MAP3K11: variants seen among roughly 807,000 people sequenced by gnomAD.
MAP3K11 encodes the protein SH3 domain-containing proline-rich kinase.
Under a neutral mutation model 84.9 loss-of-function variants are expected in MAP3K11, and 46 were observed. The ratio of observed to expected loss-of-function variants is 0.54; its 90% CI spans 0.43 to 0.69. The LOEUF (loss-of-function observed/expected upper bound fraction) is 0.69, where lower values mean the gene tolerates loss of function less well. Ranked by LOEUF, MAP3K11 falls within the 30% of genes least tolerant of loss-of-function variation. The pLI is 0.00. For missense variants in MAP3K11, 1,053 were observed against 1,198.3 expected (o/e 0.88, Z 1.79); for synonymous variants, 527 against 514.7 (o/e 1.02, Z -0.32).
At position 65,598,177 on chromosome 11, in the gene MAP3K11, G is replaced by A. The variant is rs1339529873; in HGVS notation, c.*114C>T. 4.5e-6 allele frequency: 4 copies of A among 888,586 alleles called. No homozygotes were observed. In the African/African-American group the frequency reaches 6.8e-5, roughly 15 times the overall value. The allele number at this position is 888,586 out of a possible 1,614,324, so 55.0% of individuals were successfully genotyped here. A position where few individuals can be genotyped will look rare whatever the true frequency, so the allele number is the denominator to read the frequency against. On this transcript the variant is annotated 3_prime_UTR_variant, in exon 10 of 10. Transcript: ENST00000309100. Reference sequence around the variant, plus strand: ...GTAGTGTTCCTGACCCCCAAAGGGGGGTGGGGTCCCTGGGGAAACTGAGGC... The same window carrying A: ...GTAGTGTTCCTGACCCCCAAAGGGGAGTGGGGTCCCTGGGGAAACTGAGGC...
intron 3 of MAP3K11, 37 bp downstream of exon 3, chr11:65,607,885 G>A (rs762371469): frequency 6.2e-7 from 1 of 1,609,076 alleles, no homozygotes; most frequent in Non-Finnish European, 8.5e-7. Flanking sequence ...CTGGGCCAGG[G>A]AGCTCTGTAC....
At position 65,598,536 on chromosome 11, in the gene MAP3K11, G is replaced by A; in HGVS notation, c.2299C>T (p.Pro767Ser). ...CGGCTGCGAAGGGGCGAGGGCCGAG[G>A]TCGGCTGATGAGGCCCAGGGGTGGT... Reference protein sequence around the residue: ...RSPPLGLISRPRPSPLRSRID... With the variant: ...RSPPLGLISRSRPSPLRSRID... Residue 767 changes from proline (P) to serine (S), a missense_variant, in exon 10 of 10, where the codon CCT becomes TCT. Transcript: ENST00000309100. 2 of 1,612,216 alleles carry A rather than the reference G, an allele frequency of 1.2e-6. No homozygotes were observed. The highest frequency in any genetic ancestry group is 1.7e-6 in the Non-Finnish European group (2 of 1,179,130).
chr11:65,606,037 G>T lies in MAP3K11; in HGVS notation c.1648C>A (p.Arg550=). 6.3e-7 allele frequency: 1 copy of T among 1,589,016 alleles called. No homozygotes were observed. Reference sequence around the variant, plus strand: ...CCATTGCTTGAGTCCTCCAGACGTCGGGGGGACTGGCGGCCCCATGCCTGG... The same window carrying T: ...CCATTGCTTGAGTCCTCCAGACGTCTGGGGGACTGGCGGCCCCATGCCTGG... ...PGQAWGRQSP[R]RLEDSSNGER... The change falls in exon 7 of 10, where the codon CGA becomes AGA. Residue 550 remains arginine, a synonymous_variant. Transcript: ENST00000309100.
chr11:65,612,869 G>T, intron 1 of MAP3K11, 149 bp downstream of exon 1: 1 of 865,578 alleles, frequency 1.2e-6, no homozygotes, highest in Non-Finnish European at 1.6e-6. Context: ...TTGGGGGCTA[G>T]CTTGAGCCCA....
In MAP3K11 at chr11:65,613,872, C is replaced by CA. The variant is rs1235675135; in HGVS notation, c.-117dup. On this transcript the variant is annotated 5_prime_UTR_variant, in exon 1 of 10. The change abolishes the stop of an existing upstream ORF in the 5' untranslated region. Transcript: ENST00000309100. ...ACCTGGGCATCCGGGCCCTGGCCCT[C>CA]AGCCCCAGACCCACGCCTCTCTGGG... 15 of 1,176,458 alleles carry CA rather than the reference C, an allele frequency of 1.3e-5. No homozygotes were observed. Among genetic ancestry groups the CA allele is most frequent in the Non-Finnish European group, 1.7e-5 (15 of 865,706 alleles). The allele number at this position is 1,176,458 out of a possible 1,614,324, so 72.9% of individuals were successfully genotyped here. A position where few individuals can be genotyped will look rare whatever the true frequency, so the allele number is the denominator to read the frequency against.
chr11:65,598,995 AAGTAAGGAGCCAGG>A (rs1357366585), intron 9 of MAP3K11, among the ~76,000 whole-genome samples: 1 of 152,158 alleles, frequency 6.6e-6, no homozygotes, highest in Non-Finnish European at 1.5e-5. Flanking sequence ...TACTTGGCAC[AAGTAAGGAGCCAGG>A]AGTTTGCTAC....
chr11:65,613,500 C>G lies in MAP3K11; in HGVS notation c.257G>C (p.Gly86Ala). The part of the protein sequence containing the change: ...AISGDEGWWA[G>A]QVGGQVGIFP... ...GATGCCCACCTGGCCACCCACCTGGCCCGCCCACCAGCCCTCGTCTCCTGA... is the reference window on the plus strand; with the variant it reads ...GATGCCCACCTGGCCACCCACCTGGGCCGCCCACCAGCCCTCGTCTCCTGA... Residue 86 changes from glycine to alanine, a missense_variant, in exon 1 of 10, where the codon GGC becomes GCC. This residue lies in a region of MAP3K11 where 160 missense variants were observed against 167.3 expected (regional missense o/e 0.96). Coordinates refer to ENST00000309100, the MANE Select transcript of MAP3K11 (RefSeq NM_002419.4). 1 of 1,611,062 alleles carries G rather than the reference C, an allele frequency of 6.2e-7. No individual in the cohort carries two copies. Among genetic ancestry groups the G allele is most frequent in the South Asian group, 1.1e-5 (1 of 90,934 alleles).
chr11:65,604,289 TG>T (rs1333604954), intron 8 of MAP3K11, among the ~76,000 whole-genome samples: 1 of 152,266 alleles, frequency 6.6e-6, no homozygotes, highest in Admixed American at 6.5e-5. Context: ...GAGAGTTCTG[TG>T]GAACAGTCAG....
At chr11:65,610,195 A>T (rs765239856) in intron 1 of MAP3K11, 11 of 152,172 alleles carry the variant, frequency 7.2e-5, no homozygotes, top group Non-Finnish European at 1.5e-4. Context: ...GCCCTCCATG[A>T]CCACCTTTAC....
At chr11:65,611,039 C>T (rs1404047236) in intron 1 of MAP3K11, 1 of 152,368 alleles carries the variant, frequency 6.6e-6, no homozygotes, top group Non-Finnish European at 1.5e-5. Context: ...GGGGGAAGCT[C>T]TCAGTGCCCC....
intron 8 of MAP3K11, among the ~76,000 whole-genome samples, chr11:65,605,279 C>T (rs1383317781): frequency 6.6e-6 from 1 of 152,024 alleles, no homozygotes; most frequent in Non-Finnish European, 1.5e-5. Flanking sequence ...GCCTGCTCGG[C>T]CTTCTCATTC....
chr11:65,599,349 C>A (rs762074538), intron 9 of MAP3K11, 45 bp downstream of exon 9: 23 of 1,502,006 alleles, frequency 1.5e-5, no homozygotes, highest in African/African-American at 2.9e-5. Flanking sequence ...TCCCTGGGAA[C>A]CCCCGTCTCC....
At position 65,599,563 on chromosome 11, in the gene MAP3K11, G is replaced by A. The variant is rs769337531; in HGVS notation, c.2037C>T (p.Pro679=). ...RERGESPTTP[P]TPTPAPCPTE... ...TCGGGCAGGGCGCGGGCGTTGGCGT[G>A]GGGGGTGTTGTCGGGGACTCCCCGC... is the stretch of plus-strand genomic sequence containing the variant. Residue 679 remains proline (P), a synonymous_variant, in exon 9 of 10, where the codon CCC becomes CCT. Transcript: ENST00000309100. 2.5e-5 allele frequency: 37 copies of A among 1,499,546 alleles called. No individual in the cohort carries two copies. In the East Asian group the frequency reaches 7.7e-4, roughly 31 times the overall value. The allele number at this position is 1,499,546 out of a possible 1,614,324, so 92.9% of individuals were successfully genotyped here.
intron 8 of MAP3K11, among the ~76,000 whole-genome samples, chr11:65,602,804 A>G (rs1854469285): frequency 9.4e-6 from 1 of 106,160 alleles, no homozygotes; most frequent in East Asian, 3.6e-4. Flanking sequence ...GACTCCTTCT[A>G]AAAAAAAAAA....
At chr11:65,603,053 T>C (rs1188243718) in intron 8 of MAP3K11, among the ~76,000 whole-genome samples, 2 of 151,856 alleles carry the variant, frequency 1.3e-5, no homozygotes, top group Non-Finnish European at 2.9e-5. Context: ...CAGTGAGCCA[T>C]GATCATGCCA....
chr11:65,611,810 C>T (rs910985299), intron 1 of MAP3K11: 3 of 152,368 alleles, frequency 2.0e-5, no homozygotes, highest in African/African-American at 7.2e-5. Context: ...GGGGAATCCC[C>T]CTCAGATTGG....
chr11:65,601,797 T>C (rs1336349958), intron 8 of MAP3K11, among the ~76,000 whole-genome samples: 2 of 135,308 alleles, frequency 1.5e-5, no homozygotes, highest in African/African-American at 2.8e-5. Context: ...GAAGAATCCA[T>C]TTTTATAATC....
chr11:65,608,188 G>C, intron 2 of MAP3K11, 80 bp downstream of exon 2: 4 of 1,590,094 alleles, frequency 2.5e-6, no homozygotes, highest in Non-Finnish European at 3.4e-6. Flanking sequence ...CCCTGGACTT[G>C]GCCCAGCCCT....
At position 65,605,935 on chromosome 11, in the gene MAP3K11, C is replaced by A; in HGVS notation, c.1739+11G>T. 6.2e-7 allele frequency: 1 copy of A among 1,604,798 alleles called. No homozygotes were observed. Among genetic ancestry groups the A allele is most frequent in the Non-Finnish European group, 8.5e-7 (1 of 1,177,568 alleles). ...AATGATGCTGGGTCTGGGGGGCACTCAGGTACTCACCTCCCATTCTGGGCT... is the reference window on the plus strand; with the variant it reads ...AATGATGCTGGGTCTGGGGGGCACTAAGGTACTCACCTCCCATTCTGGGCT... On this transcript the variant is annotated intron_variant, in intron 7 of 9. Transcript: ENST00000309100.
Sources: allele counts gnomAD v4.1 joint callset (sites outside exome capture counted in the v4.1 genomes callset), GRCh38; gene constraint gnomAD v4.1.1; regional missense constraint gnomAD v4.1.1; transcripts MANE v1.5; gene names NCBI Gene and HGNC (gene_info 2026-07-23, HGNC 2026-07-21).